KCNT2: variants seen among roughly 807,000 people sequenced by gnomAD.
KCNT2 encodes the protein potassium sodium-activated channel subfamily T member 2.
A neutral mutation model predicts 153.8 loss-of-function variants in KCNT2; 67 were observed. The ratio of observed to expected loss-of-function variants is 0.44; its 90% CI spans 0.36 to 0.53. The LOEUF (loss-of-function observed/expected upper bound fraction) is 0.53, where lower values mean the gene tolerates loss of function less well. Ranked by LOEUF, KCNT2 falls within the 20% of genes least tolerant of loss-of-function variation. The pLI is 0.00. For missense variants in KCNT2, 975 were observed against 1,354.8 expected (o/e 0.72, Z 4.40); for synonymous variants, 500 against 458.8 (o/e 1.09, Z -1.15).
intron 1 of KCNT2, among the ~76,000 whole-genome samples, chr1:196,576,148 A>G (rs985985093): frequency 6.6e-6 from 1 of 151,794 alleles, no homozygotes; most frequent in Non-Finnish European, 1.5e-5. Context: ...TCGATGCTAA[A>G]TAGGTATGAT....
At chr1:196,503,990 A>G (rs1441558134) in intron 1 of KCNT2, among the ~76,000 whole-genome samples, 1 of 152,216 alleles carries the variant, frequency 6.6e-6, no homozygotes, top group Non-Finnish European at 1.5e-5. Context: ...CGTGGAATAC[A>G]TTTAAAGTCA....
intron 1 of KCNT2, among the ~76,000 whole-genome samples, chr1:196,568,780 C>CT (rs10566305): frequency 2.1e-5 from 3 of 145,062 alleles, no homozygotes; most frequent in Admixed American, 6.8e-5. Flanking sequence ...TAATAATGAG[C>CT]TTTTTTTTTT....
chr1:196,382,259 C>T (rs1197308367), intron 13 of KCNT2, among the ~76,000 whole-genome samples: 1 of 142,356 alleles, frequency 7.0e-6, no homozygotes, highest in African/African-American at 2.5e-5. Context: ...CCACCACACC[C>T]GGCTATTTTT....
chr1:196,477,415 G>A (rs1339572526), intron 5 of KCNT2, among the ~76,000 whole-genome samples: 1 of 151,860 alleles, frequency 6.6e-6, no homozygotes, highest in East Asian at 1.9e-4. Flanking sequence ...GCAAAATCCT[G>A]TCTCTACAAA....
chr1:196,522,809 T>C (rs1244696846), intron 1 of KCNT2, among the ~76,000 whole-genome samples: 1 of 151,970 alleles, frequency 6.6e-6, no homozygotes, highest in Non-Finnish European at 1.5e-5. Flanking sequence ...GCATGTTGTG[T>C]CTAGGTAAAG....
At chr1:196,309,521 A>G (rs541976275) in intron 21 of KCNT2, among the ~76,000 whole-genome samples, 2 of 152,004 alleles carry the variant, frequency 1.3e-5, no homozygotes, top group African/African-American at 4.8e-5. Context: ...TTTCTGTTCT[A>G]CATAAATGAA....
chr1:196,334,483 C>CTTTT lies in KCNT2; in HGVS notation c.1784-424_1784-423insAAAA, dbSNP rs757677685. On this transcript the variant is annotated intron_variant, in intron 16 of 27. Transcript: ENST00000294725. ...TGCTTTTTCTTTTATTTCTTTCTTTCTTTCTTTTTTTTTTTTAAGACAGAG... is the reference window on the plus strand; with the variant it reads ...TGCTTTTTCTTTTATTTCTTTCTTTCTTTTTTTCTTTTTTTTTTTTAAGACAGAG... 7.3e-4 allele frequency among the ~76,000 whole-genome samples: 31 copies of CTTTT among 42,360 alleles called. 1 individual carries two copies. Among genetic ancestry groups the CTTTT allele is most frequent in the South Asian group, 2.3e-3 (2 of 870 alleles). 27.8% of individuals were successfully genotyped at this position (42,360 alleles called of 152,430 possible).
At chr1:196,506,805 T>C (rs946262790) in intron 1 of KCNT2, among the ~76,000 whole-genome samples, 4 of 152,160 alleles carry the variant, frequency 2.6e-5, no homozygotes, top group Non-Finnish European at 4.4e-5. Context: ...ATTTCAATTA[T>C]TTGTTGTTTA....
chr1:196,444,442 T>C (rs1265519891), intron 8 of KCNT2, among the ~76,000 whole-genome samples: 2 of 151,340 alleles, frequency 1.3e-5, no homozygotes, highest in Non-Finnish European at 3.0e-5. Context: ...TTCCTTTGAA[T>C]TTATATTTCG....
rs113942358 is a variant in KCNT2, at chr1:196,563,613, T to C, written c.95+44602A>G. ...TAATATGTATGGTTAATATAAATCC[T>C]CAACAAAATACTAGCAAGCCAAATT... On this transcript the variant is annotated intron_variant, in intron 1 of 27. Coordinates refer to ENST00000294725, the MANE Select transcript of KCNT2 (RefSeq NM_198503.5). Among the ~76,000 whole-genome samples the C allele has an allele frequency of 7.0e-3, 1,061 of 152,018 alleles. 11 individuals are homozygous for C. Among genetic ancestry groups the C allele is most frequent in the African/African-American group, 0.022 (931 of 41,506 alleles).
In KCNT2 at chr1:196,305,198, G is replaced by T. The variant is rs778718418; in HGVS notation, c.2595+36C>A. ...CAGAGTTAATTTCTGAATAAAGATG[G>T]TTAAATCTAATTTACTTGATAATGT... is the stretch of plus-strand genomic sequence containing the variant. On this transcript the variant is annotated intron_variant, in intron 22 of 27. Coordinates refer to ENST00000294725, the MANE Select transcript of KCNT2 (RefSeq NM_198503.5). The T allele has an allele frequency of 5.9e-6, 7 of 1,194,948 alleles. No individual in the cohort carries two copies. In the Admixed American group the frequency reaches 8.5e-5, roughly 14 times the overall value. 74.0% of individuals were successfully genotyped at this position (1,194,948 alleles called of 1,614,324 possible).
intron 22 of KCNT2, among the ~76,000 whole-genome samples, chr1:196,295,424 C>A (rs1660586272): frequency 6.7e-6 from 1 of 149,932 alleles, no homozygotes; most frequent in Non-Finnish European, 1.5e-5. Flanking sequence ...CTAAAAATAA[C>A]AAAAACAGGC....
At chr1:196,251,021 G>A (rs1197850182) in intron 26 of KCNT2, among the ~76,000 whole-genome samples, 1 of 152,026 alleles carries the variant, frequency 6.6e-6, no homozygotes, top group Non-Finnish European at 1.5e-5. Flanking sequence ...CACTGTTGGT[G>A]GGAACGTAAA....
chr1:196,575,645 T>C (rs1025922118), intron 1 of KCNT2, among the ~76,000 whole-genome samples: 2 of 150,394 alleles, frequency 1.3e-5, no homozygotes, highest in Non-Finnish European at 3.0e-5. Context: ...TATATTTATA[T>C]ATACATAAAA....
chr1:196,315,794 G>A (rs558215586), intron 21 of KCNT2, 98 bp downstream of exon 21: 3 of 976,942 alleles, frequency 3.1e-6, no homozygotes, highest in African/African-American at 3.3e-5. Context: ...ACATAAAGTT[G>A]GTGTGTCTCA....
intron 1 of KCNT2, among the ~76,000 whole-genome samples, chr1:196,537,893 T>G (rs1400082756): frequency 6.6e-6 from 1 of 152,192 alleles, no homozygotes; most frequent in Non-Finnish European, 1.5e-5. Context: ...CTTTACGGTG[T>G]GAACCCAGGT....
intron 2 of KCNT2, among the ~76,000 whole-genome samples, chr1:196,490,479 C>A (rs892213142): frequency 2.0e-5 from 3 of 147,306 alleles, no homozygotes; most frequent in Non-Finnish European, 4.5e-5. Flanking sequence ...ATTATTTATT[C>A]ATTATATAAT....
At chr1:196,323,838 C>A (rs2148057812) in intron 19 of KCNT2, among the ~76,000 whole-genome samples, 1 of 151,426 alleles carries the variant, frequency 6.6e-6, no homozygotes, top group African/African-American at 2.4e-5. Context: ...GAAGGGTATG[C>A]AATCATCATT....
At chr1:196,296,261 AAT>A (rs1301330824) in intron 22 of KCNT2, among the ~76,000 whole-genome samples, 1 of 151,966 alleles carries the variant, frequency 6.6e-6, no homozygotes, top group Non-Finnish European at 1.5e-5. Flanking sequence ...TAAATAAGAA[AAT>A]ATGATAGTTA....
Sources: gnomAD v4.1 joint callset for allele counts (sites outside exome capture counted in the v4.1 genomes callset) on GRCh38, gnomAD v4.1.1 for gene constraint, MANE v1.5 for transcripts, NCBI Gene and HGNC (gene_info 2026-07-23, HGNC 2026-07-21) for gene names.